The following COPA variants were observed in gnomAD, a reference collection of about 807,000 sequenced individuals.
COPA encodes the protein coatomer subunit alpha.
COPA carries 10 observed loss-of-function variants against 158.7 expected under a neutral mutation model. The ratio of observed to expected loss-of-function variants is 0.06; its 90% CI spans 0.04 to 0.11. The LOEUF (loss-of-function observed/expected upper bound fraction) is 0.11, where lower values mean the gene tolerates loss of function less well. COPA is among the 10% of genes least tolerant of loss of function. COPA has a pLI of 1.00. For synonymous variants in COPA, 462 were observed against 542.8 expected (o/e 0.85, Z 2.07); for missense variants, 1,065 against 1,536.7 (o/e 0.69, Z 5.13).
At chr1:160,330,468 A>G (rs17370037) in intron 6 of COPA, among the ~76,000 whole-genome samples, 3,873 of 152,310 alleles carry the variant, frequency 0.025, 51 homozygotes, top group Middle Eastern at 0.037. Flanking sequence ...CCTCTTGTTT[A>G]TACTCCTCCC....
intron 30 of COPA, 49 bp downstream of exon 30, chr1:160,291,770 G>T: frequency 6.4e-7 from 1 of 1,564,014 alleles, no homozygotes; most frequent in Non-Finnish European, 8.8e-7. Context: ...CCTAGTGAAG[G>T]GTGAAGGGAA....
At chr1:160,335,425 T>C (rs1009998892) in intron 3 of COPA, 103 bp from the exon 4 acceptor site, 7 of 797,940 alleles carry the variant, frequency 8.8e-6, no homozygotes, top group Non-Finnish European at 1.3e-5. Flanking sequence ...TATATAAATA[T>C]AGATTTATAT....
Position 160,295,769 on chromosome 1 carries a change from T to C in COPA, c.2443A>G (p.Lys815Glu). Residue 815 changes from lysine (K) to glutamate (E), a missense_variant, in exon 23 of 33, where the codon AAA becomes GAA. Around this residue, in one of 2 missense-constraint regions of COPA, gnomAD observed 980 missense variants for 1,357.8 expected, o/e 0.72. Transcript: ENST00000241704. ...GCAATGGTGCCTTCAAAAAATCCTT[T>C]GGATACAGTCAATAAAGGCCAATTG... The part of the protein sequence containing the change: ...DTNWPLLTVS[K>E]GFFEGTIASK... 1 of 1,609,934 alleles carries C rather than the reference T, an allele frequency of 6.2e-7. No homozygotes were observed.
In COPA at chr1:160,292,515, G is replaced by A. The variant is rs753332973; in HGVS notation, c.2929C>T (p.Pro977Ser). ...RTTYQALPCL[P>S]SMYGYPNRNW... is the part of the protein sequence containing the mutation. ...CGATTAGGATAGCCATACATGGAGGGTAGGCAGGGCAGAGCCTGATAGGTT... is the reference window on the plus strand; with the variant it reads ...CGATTAGGATAGCCATACATGGAGGATAGGCAGGGCAGAGCCTGATAGGTT... The change falls in exon 28 of 33, where the codon CCC becomes TCC. Residue 977 changes from proline (P) to serine (S), a missense_variant. Coordinates refer to ENST00000241704, the MANE Select transcript of COPA (RefSeq NM_004371.4). 1 of 1,613,806 alleles carries A rather than the reference G, an allele frequency of 6.2e-7. No individual in the cohort carries two copies. The highest frequency in any genetic ancestry group is 8.5e-7 in the Non-Finnish European group (1 of 1,179,914).
intron 8 of COPA, among the ~76,000 whole-genome samples, chr1:160,320,596 G>A (rs1234143224): frequency 5.0e-5 from 5 of 100,324 alleles, no homozygotes; most frequent in Admixed American, 1.5e-4. Context: ...GCAACACAGC[G>A]AGACTCCAAC....
In COPA at chr1:160,312,025, G is replaced by C. The variant is rs1173987417; in HGVS notation, c.926-7C>G. On this transcript the variant is annotated splice_region_variant and splice_polypyrimidine_tract_variant and intron_variant, in intron 10 of 32. Coordinates refer to ENST00000241704, the MANE Select transcript of COPA (RefSeq NM_004371.4). ...ATCATACCACCATCATGGCCTGGGG[G>C]ACAGGGAGAGGAGGAGAAAAAATTA... is the stretch of plus-strand genomic sequence containing the variant. The C allele has an allele frequency of 6.2e-7, 1 of 1,611,548 alleles. No individual in the cohort carries two copies. Among genetic ancestry groups the C allele is most frequent in the Non-Finnish European group, 8.5e-7 (1 of 1,178,638 alleles).
At chr1:160,322,987 G>A (rs1442183255) in intron 8 of COPA, among the ~76,000 whole-genome samples, 6 of 134,214 alleles carry the variant, frequency 4.5e-5, no homozygotes, top group Non-Finnish European at 6.0e-5. Flanking sequence ...ATACGCGCAC[G>A]TGCACACACA....
chr1:160,321,681 G>A lies in COPA; in HGVS notation c.706+1750C>T, dbSNP rs61801297. 5.7e-3 allele frequency among the ~76,000 whole-genome samples: 867 copies of A among 152,186 alleles called. 2 individuals carry two copies. The highest frequency in any genetic ancestry group is 7.2e-3 in the Non-Finnish European group (493 of 68,022). On this transcript the variant is annotated intron_variant, in intron 8 of 32. Coordinates refer to ENST00000241704, the MANE Select transcript of COPA (RefSeq NM_004371.4). ...TGTGCACCTGTAGTCCCAGCTACTC[G>A]AGACGCTGAAGTATGAGAATCACTT...
intron 3 of COPA, among the ~76,000 whole-genome samples, chr1:160,336,106 G>T (rs1185620236): frequency 2.0e-5 from 3 of 149,212 alleles, no homozygotes; most frequent in Non-Finnish European, 2.9e-5. Flanking sequence ...AGCACTTTGG[G>T]AGGTCAAGGC....
At position 160,289,098 on chromosome 1, in the gene COPA, T is replaced by G. The variant is rs1658132195; in HGVS notation, c.*1059A>C. 3.3e-5 allele frequency among the ~76,000 whole-genome samples: 5 copies of G among 151,354 alleles called. No homozygotes were observed. In the South Asian group the frequency reaches 1.0e-3, roughly 32 times the overall value. On this transcript the variant is annotated 3_prime_UTR_variant, in exon 33 of 33. Transcript: ENST00000241704. ...CAATCCTCTGCCTCAGCCTCCAGAG[T>G]AGCTGGGATTACAGGCACCCACCAC...
rs776498850 is a variant in COPA, at chr1:160,298,884, T to C, written c.1938A>G (p.Lys646=). ...ACTCCAGTGCCAGACTAAAGCGAGT[T>C]TTCTCATCCTTGACAAAATGCAGTG... ...EVALHFVKDE[K]TRFSLALECG... Residue 646 remains lysine, a synonymous_variant, in exon 19 of 33, where the codon AAA becomes AAG. Transcript: ENST00000241704. 5.0e-6 allele frequency: 8 copies of C among 1,613,962 alleles called. No homozygotes were observed. The highest frequency in any genetic ancestry group is 5.9e-6 in the Non-Finnish European group (7 of 1,180,018).
chr1:160,305,764 T>C lies in COPA; in HGVS notation c.1452A>G (p.Ala484=). ...ATTTCACTTTAGAAATCTTCACAGA[T>C]GCCAGAGTCCTGAGATAGATAGAGA... The part of the protein sequence containing the change: ...LFDVQQKRTL[A]SVKISKVKYV... Residue 484 remains alanine (A), a synonymous_variant, in exon 16 of 33, where the codon GCA becomes GCG. Coordinates refer to ENST00000241704, the MANE Select transcript of COPA (RefSeq NM_004371.4). The C allele has an allele frequency of 4.3e-6, 7 of 1,613,938 alleles. 1 individual carries two copies. In the South Asian group the frequency reaches 7.7e-5, roughly 18 times the overall value.
chr1:160,290,537 G>A lies in COPA; in HGVS notation c.3570C>T (p.Ala1190=). Residue 1190 remains alanine, a synonymous_variant, in exon 32 of 33, where the codon GCC becomes GCT. Transcript: ENST00000241704. ...GACCTTTGAACTCAGGGGAATAGCA[G>A]GCCCCACTGAGTGGACACTTTTCTA... ...KPVEKCPLSG[A]CYSPEFKGQI... 6.2e-7 allele frequency: 1 copy of A among 1,614,192 alleles called. No individual in the cohort carries two copies. The highest frequency in any genetic ancestry group is 1.1e-5 in the South Asian group (1 of 91,082).
intron 8 of COPA, among the ~76,000 whole-genome samples, chr1:160,315,656 A>C (rs1311203526): frequency 1.3e-5 from 2 of 152,218 alleles, no homozygotes; most frequent in Non-Finnish European, 2.9e-5. Context: ...AATAAAAACC[A>C]AAGCAAGCCA....
rs1377615825 is a variant in COPA, at chr1:160,296,112, T to C, written c.2301A>G (p.Leu767=). ...LAYLTAATHG[L]DEEAESLKET... is the part of the protein sequence containing the mutation. ...CCTTTAGGCTCTCAGCTTCTTCATC[T>C]AAGCCATGGGTAGCAGCTGTGAGAT... Residue 767 remains leucine (L), a synonymous_variant, in exon 22 of 33, where the codon TTA becomes TTG. Transcript: ENST00000241704. 3 of 1,614,224 alleles carry C rather than the reference T, an allele frequency of 1.9e-6. No individual in the cohort carries two copies. In the African/African-American group the frequency reaches 4.0e-5, roughly 22 times the overall value.
At chr1:160,338,290 C>A (rs1280469922) in intron 3 of COPA, among the ~76,000 whole-genome samples, 5 of 151,996 alleles carry the variant, frequency 3.3e-5, no homozygotes, top group Non-Finnish European at 7.4e-5. Flanking sequence ...TTTGATTGCC[C>A]CAGGATGTGG....
chr1:160,333,493 T>C (rs1647623557), intron 5 of COPA, 110 bp downstream of exon 5: 1 of 698,596 alleles, frequency 1.4e-6, no homozygotes, highest in African/African-American at 1.8e-5. Context: ...CAGTAATTAA[T>C]CAGCCGACAT....
chr1:160,337,248 T>C (rs999129601), intron 3 of COPA, among the ~76,000 whole-genome samples: 1 of 152,214 alleles, frequency 6.6e-6, no homozygotes, highest in Non-Finnish European at 1.5e-5. Flanking sequence ...TTTAGATGAA[T>C]ACTCTGACCA....
At chr1:160,332,321 A>C (rs1439168657) in intron 6 of COPA, 127 bp downstream of exon 6, 3 of 507,964 alleles carry the variant, frequency 5.9e-6, no homozygotes, top group Non-Finnish European at 1.0e-5. Context: ...CCTCAGAAAC[A>C]AAGATGCTAT....
Sources: allele counts gnomAD v4.1 joint callset (sites outside exome capture counted in the v4.1 genomes callset), GRCh38; gene constraint gnomAD v4.1.1; regional missense constraint gnomAD v4.1.1; transcripts MANE v1.5; gene names NCBI Gene and HGNC (gene_info 2026-07-23, HGNC 2026-07-21).